Variants in GGACT observed in about 807,000 individuals in gnomAD.
GGACT encodes gamma-glutamylaminecyclotransferase.
For missense variants in GGACT, 241 were observed against 233.2 expected, an observed-to-expected ratio of 1.03 and a Z score of -0.22; for synonymous variants, 118 against 115.3, an observed-to-expected ratio of 1.02 and a Z score of -0.15.
chr13:100,537,443 G>A (rs1008425363), intron 2 of GGACT: 1 of 152,404 alleles, frequency 6.6e-6, no homozygotes, highest in Non-Finnish European at 1.5e-5. Flanking sequence ...GGCAGAGAAA[G>A]AACTTGCTCT....
Position 100,532,153 on chromosome 13 carries a change from AGC to A in GGACT, c.437_438del (p.Arg146LeufsTer43). 1 of 1,454,920 alleles carries A rather than the reference AGC, an allele frequency of 6.9e-7. No individual in the cohort carries two copies. Among genetic ancestry groups the A allele is most frequent in the South Asian group, 1.4e-5 (1 of 69,444 alleles). 90.1% of individuals were successfully genotyped at this position (1,454,920 alleles called of 1,614,324 possible). ...CCTTATCTGTTCTCCCGGGGGTTGT[AGC>A]GCAGCCCGTGCGGCCCCTCGGAGTC... Reference protein sequence around the residue: ...SYDSEGPHGLRYNPRENR With the variant: ...SYDSEGPHGLXYNPRENR On this transcript the variant is annotated frameshift_variant, in exon 3 of 3. Coordinates refer to ENST00000683975, the MANE Select transcript of GGACT (RefSeq NM_001195087.2). LOFTEE classifies it high-confidence loss of function.
chr13:100,574,222 C>G (rs977773553), intron 2 of GGACT, among the ~76,000 whole-genome samples: 2 of 152,274 alleles, frequency 1.3e-5, no homozygotes, highest in South Asian at 4.2e-4. Flanking sequence ...GAAATCATGT[C>G]CTTTGCAGCA....
At chr13:100,561,470 C>A (rs2088759173) in intron 2 of GGACT, among the ~76,000 whole-genome samples, 1 of 152,218 alleles carries the variant, frequency 6.6e-6, no homozygotes, top group African/African-American at 2.4e-5. Flanking sequence ...CCTGCCTCTT[C>A]ACCCCGATTT....
At chr13:100,538,073 GTAATCTCAGTTT>G (rs1391386966) in intron 2 of GGACT, 2 of 152,206 alleles carry the variant, frequency 1.3e-5, no homozygotes, top group African/African-American at 2.4e-5. Context: ...AGTAGCCTGT[GTAATCTCAGTTT>G]ATTTAATGCT....
intron 2 of GGACT, among the ~76,000 whole-genome samples, chr13:100,564,850 AG>A (rs2088797520): frequency 6.6e-6 from 1 of 152,174 alleles, no homozygotes; most frequent in African/African-American, 2.4e-5. Context: ...GCCTGAACCC[AG>A]CAGAAGCCAG....
In GGACT at chr13:100,572,633, C is replaced by T. The variant is rs187711056; in HGVS notation, c.-11+11192G>A. On this transcript the variant is annotated intron_variant, in intron 2 of 2. Coordinates refer to ENST00000683975, the MANE Select transcript of GGACT (RefSeq NM_001195087.2). ...TGCAGTGGCTATTCACAGGTGTGAT[C>T]ATAGTGCACTGCAGCCTCAAACTCC... Among the ~76,000 whole-genome samples, 254 of 152,266 alleles carry T rather than the reference C, an allele frequency of 1.7e-3. 1 individual carries two copies. Among genetic ancestry groups the T allele is most frequent in the Middle Eastern group, 6.8e-3 (2 of 294 alleles).
Position 100,534,229 on chromosome 13 carries a change from C to T in GGACT, c.-10-1628G>A, listed in dbSNP as rs185202701. On this transcript the variant is annotated intron_variant, in intron 2 of 2. Coordinates refer to ENST00000683975, the MANE Select transcript of GGACT (RefSeq NM_001195087.2). This position sits in a 1 kb window ranked among gnomAD's most constrained non-coding sequence, Gnocchi z 4.9. ...ACAACAGTATTCCCCAGATTTCAGG[C>T]ACATTGCACTAGGAAAGGTGTGGCC... 6.6e-6 allele frequency among the ~76,000 whole-genome samples: 1 copy of T among 152,306 alleles called. No individual in the cohort carries two copies.
chr13:100,578,643 T>G (rs929641477), intron 2 of GGACT, among the ~76,000 whole-genome samples: 1 of 152,232 alleles, frequency 6.6e-6, no homozygotes, highest in Non-Finnish European at 1.5e-5. Context: ...TCCAATGCCG[T>G]CAAACCATTC....
At chr13:100,565,296 A>G (rs542090366) in intron 2 of GGACT, among the ~76,000 whole-genome samples, 13 of 152,366 alleles carry the variant, frequency 8.5e-5, no homozygotes, top group African/African-American at 3.1e-4. Flanking sequence ...CTGAAAGATC[A>G]GAGTGTCAAA....
At chr13:100,568,488 A>C (rs1874980385) in intron 2 of GGACT, among the ~76,000 whole-genome samples, 1 of 152,258 alleles carries the variant, frequency 6.6e-6, no homozygotes, top group Non-Finnish European at 1.5e-5. Flanking sequence ...ACTCACTATC[A>C]CGAGAACAGG....
intron 2 of GGACT, among the ~76,000 whole-genome samples, chr13:100,581,689 C>A (rs1875422212): frequency 6.6e-6 from 1 of 152,146 alleles, no homozygotes; most frequent in Admixed American, 6.5e-5. Flanking sequence ...CCTTTCAGAG[C>A]ACAGTATGAA....
At chr13:100,586,278 A>G (rs1875571347) in intron 1 of GGACT, among the ~76,000 whole-genome samples, 2 of 152,214 alleles carry the variant, frequency 1.3e-5, no homozygotes, top group African/African-American at 2.4e-5. Flanking sequence ...AACCAAAAAA[A>G]GAAAAAAAAA....
At chr13:100,588,355 C>CT (rs2153017974) in intron 1 of GGACT, among the ~76,000 whole-genome samples, 1 of 152,346 alleles carries the variant, frequency 6.6e-6, no homozygotes, top group South Asian at 2.1e-4. Context: ...AAAACAATTT[C>CT]TGAGAAGTGT....
chr13:100,575,776 A>C (rs544786153), intron 2 of GGACT, among the ~76,000 whole-genome samples: 1 of 152,322 alleles, frequency 6.6e-6, no homozygotes, highest in African/African-American at 2.4e-5. Flanking sequence ...CAAACAAACA[A>C]ACACTACAAT....
In GGACT at chr13:100,532,131, T is replaced by TATC. The variant is rs1333322635; in HGVS notation, c.458_460dup (p.Ter154delinsTer). ...CTAGGCCCACCCTGCCCGTCCCCCT[T>TATC]ATCTGTTCTCCCGGGGGTTGTAGCG... On this transcript the variant is annotated inframe_insertion and stop_retained_variant, in exon 3 of 3. Transcript: ENST00000683975. 2.1e-6 allele frequency: 3 copies of TATC among 1,445,714 alleles called. No individual in the cohort carries two copies. The Admixed American group carries it at 8.6e-5, about 41-fold the overall frequency. 89.6% of individuals were successfully genotyped at this position (1,445,714 alleles called of 1,614,324 possible).
chr13:100,562,497 G>A (rs539502750), intron 2 of GGACT, among the ~76,000 whole-genome samples: 3 of 152,066 alleles, frequency 2.0e-5, no homozygotes, highest in Non-Finnish European at 2.9e-5. Context: ...CACACCACTG[G>A]TAAGAGAGGC....
chr13:100,541,353 C>G (rs1331335680), intron 2 of GGACT, among the ~76,000 whole-genome samples: 1 of 152,236 alleles, frequency 6.6e-6, no homozygotes. Context: ...CCCTGAGCAC[C>G]TGTGGGACTT....
intron 2 of GGACT, among the ~76,000 whole-genome samples, chr13:100,573,896 A>AC (rs1450775106): frequency 7.1e-5 from 10 of 140,738 alleles, no homozygotes; most frequent in South Asian, 4.2e-4. Context: ...AAAAAAAAAA[A>AC]AAAACATGCT....
intron 2 of GGACT, among the ~76,000 whole-genome samples, chr13:100,563,862 G>A (rs2153015482): frequency 6.6e-6 from 1 of 152,358 alleles, no homozygotes; most frequent in African/African-American, 2.4e-5. Flanking sequence ...CTGGAAAGAG[G>A]GGAAAGGAGG....
Sources: gnomAD v4.1 joint callset for allele counts (sites outside exome capture counted in the v4.1 genomes callset) on GRCh38, gnomAD v4.1.1 for gene constraint, Gnocchi (gnomAD v3.1) non-coding constraint, MANE v1.5 for transcripts, NCBI Gene and HGNC (gene_info 2026-07-23, HGNC 2026-07-21) for gene names.